The following DNAH5 variants were observed in gnomAD, a reference collection of about 807,000 sequenced individuals.
DNAH5 encodes axonemal beta dynein heavy chain 5.
Under a neutral mutation model 518.2 loss-of-function variants are expected in DNAH5, and 372 were observed. That is an observed-to-expected ratio of 0.72 (90% CI 0.66 to 0.78). The LOEUF (loss-of-function observed/expected upper bound fraction) is 0.78, where lower values mean the gene tolerates loss of function less well. Ranked by LOEUF, DNAH5 falls within the 30% of genes least tolerant of loss-of-function variation. The pLI, the probability that DNAH5 is intolerant of heterozygous loss-of-function variation, is 0.00. For missense variants in DNAH5, 5,523 were observed against 5,687.0 expected (o/e 0.97, Z 0.93); for synonymous variants, 2,039 against 2,025.9 (o/e 1.01, Z -0.17).
Position 13,886,089 on chromosome 5 carries a change from C to T in DNAH5, c.2618G>A (p.Ser873Asn), listed in dbSNP as rs774863762. The T allele has an allele frequency of 3.2e-6, 5 of 1,575,948 alleles. No individual in the cohort carries two copies. Among genetic ancestry groups the T allele is most frequent in the Admixed American group, 1.7e-5 (1 of 57,360 alleles). ...ATTGACTGCCTCCTCCACTAATGAG[C>T]TTTTAAAATGTAGTATTTGTGCACC... ...VNGAQILHFK[S>N]SLVEEAVNEL... Residue 873 changes from serine (S) to asparagine (N), a missense_variant, in exon 18 of 79, where the codon AGC becomes AAC. Coordinates refer to ENST00000265104, the MANE Select transcript of DNAH5 (RefSeq NM_001369.3).
intron 5 of DNAH5, among the ~76,000 whole-genome samples, chr5:13,921,707 C>A (rs1777310255): frequency 6.6e-6 from 1 of 151,310 alleles, no homozygotes. Context: ...CCTTCTTCTG[C>A]TTCTTCAGGA....
intron 1 of DNAH5, among the ~76,000 whole-genome samples, chr5:13,961,414 C>T (rs186962644): frequency 3.3e-5 from 5 of 151,838 alleles, no homozygotes; most frequent in South Asian, 4.2e-4. Context: ...GAGGCTGAGG[C>T]GGGCAGATCG....
chr5:14,005,989 G>C (rs1162222908), intron 1 of DNAH5, among the ~76,000 whole-genome samples: 1 of 152,124 alleles, frequency 6.6e-6, no homozygotes, highest in Non-Finnish European at 1.5e-5. Flanking sequence ...CTCAAGTCCT[G>C]ATTCCTGCAG....
chr5:14,005,085 T>A (rs1784628943), intron 1 of DNAH5, among the ~76,000 whole-genome samples: 1 of 151,976 alleles, frequency 6.6e-6, no homozygotes, highest in South Asian at 2.1e-4. Context: ...AGCCTCAACA[T>A]CCTTCTATCA....
rs150010518 is a variant in DNAH5, at chr5:13,914,584, G to T, written c.1256C>A (p.Ser419Tyr). The change falls in exon 10 of 79, where the codon TCC (serine) becomes TAC (tyrosine). Residue 419 changes from serine to tyrosine, a missense_variant. Physicochemically the swap from Ser to Tyr is moderately radical, Grantham distance 144. Around this residue, in one of 3 missense-constraint regions of DNAH5, gnomAD observed 5,121 missense variants for 5,223.3 expected, o/e 0.98. Coordinates refer to ENST00000265104, the MANE Select transcript of DNAH5 (RefSeq NM_001369.3). ...AACATCCTGTGGCTGGTTCCAGATG[G>T]AAGCGGTTCCATTATTGGTAATATA... ...KAYITNNGTA[S>Y]IWNQPQDVVE... 5.6e-6 allele frequency: 9 copies of T among 1,613,226 alleles called. No individual in the cohort carries two copies. In the African/African-American group the frequency reaches 1.2e-4, roughly 22 times the overall value.
intron 27 of DNAH5, among the ~76,000 whole-genome samples, chr5:13,864,961 A>T (rs1769008135): frequency 6.6e-6 from 1 of 151,882 alleles, no homozygotes. Flanking sequence ...CACAAAGCAT[A>T]GCAAAGTGTA....
intron 31 of DNAH5, among the ~76,000 whole-genome samples, chr5:13,846,070 C>T (rs1002198048): frequency 5.3e-5 from 8 of 150,864 alleles, no homozygotes; most frequent in African/African-American, 2.0e-4. Context: ...AACTCGTGAC[C>T]TCAAATGATC....
chr5:13,861,952 C>CAAAA (rs59674964), intron 29 of DNAH5, among the ~76,000 whole-genome samples: 88 of 49,490 alleles, frequency 1.8e-3, no homozygotes, highest in South Asian at 3.5e-3. Flanking sequence ...GATTCCATCT[C>CAAAA]AAAAAAAAAA....
chr5:13,828,844 T>C (rs1426532280), intron 38 of DNAH5, among the ~76,000 whole-genome samples: 1 of 152,164 alleles, frequency 6.6e-6, no homozygotes, highest in Non-Finnish European at 1.5e-5. Context: ...CCCCAGCCAA[T>C]ACTTTGATTG....
At position 13,920,501 on chromosome 5, in the gene DNAH5, T is replaced by C. The variant is rs1580893242; in HGVS notation, c.777A>G (p.Val259=). 1.9e-6 allele frequency: 3 copies of C among 1,614,212 alleles called. No homozygotes were observed. The highest frequency in any genetic ancestry group is 1.7e-6 in the Non-Finnish European group (2 of 1,180,020). Residue 259 remains valine, a synonymous_variant, in exon 6 of 79, where the codon GTA becomes GTG. Coordinates refer to ENST00000265104, the MANE Select transcript of DNAH5 (RefSeq NM_001369.3). The part of the protein sequence containing the change: ...TLGKIEDCMK[V]WIKQTEQVLA... Reference sequence around the variant, plus strand: ...TTACCTGTTCTGTCTGTTTGATCCATACTTTCATGCAATCCTCTATTTTTC... The same window carrying C: ...TTACCTGTTCTGTCTGTTTGATCCACACTTTCATGCAATCCTCTATTTTTC...
intron 47 of DNAH5, among the ~76,000 whole-genome samples, chr5:13,798,734 T>C (rs1348759034): frequency 6.2e-5 from 2 of 32,260 alleles, no homozygotes; most frequent in Non-Finnish European, 1.6e-4. Context: ...ATCATGATTT[T>C]ATTTATTTTA....
rs146530328 is a variant in DNAH5, at chr5:13,921,436, GTCTC to G, written c.660+667_660+670del. ...CTTCTCTCTCTCTCCCTCTCTCTCT[GTCTC>G]TCTCTCTCTCTCTCTCTCTTGCTCT... On this transcript the variant is annotated intron_variant, in intron 5 of 78. Transcript: ENST00000265104. 8.9e-4 allele frequency among the ~76,000 whole-genome samples: 111 copies of G among 125,228 alleles called. 1 individual carries two copies. The highest frequency in any genetic ancestry group is 7.6e-3 in the East Asian group (33 of 4,364). The allele number at this position is 125,228 out of a possible 152,430, so 82.2% of individuals were successfully genotyped here. A position where few individuals can be genotyped will look rare whatever the true frequency, so the allele number is the denominator to read the frequency against.
chr5:13,985,396 G>T (rs1782972658), intron 1 of DNAH5, among the ~76,000 whole-genome samples: 1 of 147,632 alleles, frequency 6.8e-6, no homozygotes, highest in African/African-American at 2.5e-5. Context: ...CCTGCACGTT[G>T]TGCACATGTA....
chr5:13,810,116 G>A lies in DNAH5; in HGVS notation c.7552C>T (p.Leu2518=), dbSNP rs1272856578. The stretch of plus-strand genomic sequence containing the variant: ...TCCCCGGGCCCCGCTGGCGGCGGCA[G>A]CTCCAGCGTCCCTGTGGGCCGAGAG... ...LRSRPTGTLE[L]PPPAGPGDTA... is the part of the protein sequence containing the mutation. The change falls in exon 45 of 79, where the codon CTG becomes TTG. Residue 2518 remains leucine (L), a synonymous_variant. Transcript: ENST00000265104. 1 of 1,550,694 alleles carries A rather than the reference G, an allele frequency of 6.4e-7. No homozygotes were observed.
chr5:13,983,847 T>C (rs41418946), intron 1 of DNAH5, among the ~76,000 whole-genome samples: 51,983 of 152,040 alleles, frequency 0.34, 9,083 homozygotes, highest in East Asian at 0.61. Flanking sequence ...CTTGGCTCAA[T>C]CACTCAGACA....
chr5:13,719,529 G>A (rs1744758566), intron 71 of DNAH5, among the ~76,000 whole-genome samples: 1 of 152,152 alleles, frequency 6.6e-6, no homozygotes, highest in African/African-American at 2.4e-5. Flanking sequence ...ATTTAAAAGA[G>A]GTTCAGGAAA....
intron 50 of DNAH5, 75 bp from the exon 51 acceptor site, chr5:13,788,989 T>A: frequency 7.7e-7 from 1 of 1,306,076 alleles, no homozygotes; most frequent in Non-Finnish European, 1.1e-6. Flanking sequence ...GACAGTACTG[T>A]AGAGTATTAT....
chr5:13,735,487 T>A (rs1747259115), intron 67 of DNAH5, among the ~76,000 whole-genome samples, 166 bp from the exon 68 acceptor site: 1 of 152,180 alleles, frequency 6.6e-6, no homozygotes, highest in South Asian at 2.1e-4. Context: ...TCTCTCAACA[T>A]GAAATAATAT....
intron 78 of DNAH5, among the ~76,000 whole-genome samples, chr5:13,699,929 A>T (rs534282763): frequency 6.6e-6 from 1 of 152,280 alleles, no homozygotes; most frequent in South Asian, 2.1e-4. Flanking sequence ...AAAGGTGACA[A>T]AAAAAGCCTC....
Sources: allele counts gnomAD v4.1 joint callset (sites outside exome capture counted in the v4.1 genomes callset), GRCh38; gene constraint gnomAD v4.1.1; regional missense constraint gnomAD v4.1.1; transcripts MANE v1.5; gene names NCBI Gene and HGNC (gene_info 2026-07-23, HGNC 2026-07-21).